COL22A1: variants seen among roughly 807,000 people sequenced by gnomAD.
COL22A1 encodes the protein collagen alpha-1(XXII) chain.
In COL22A1, 221 loss-of-function variants were observed where a neutral mutation model predicts 248.9. The ratio of observed to expected loss-of-function variants is 0.89; its 90% CI spans 0.80 to 0.99. The LOEUF is 0.99. COL22A1 is among the 50% of genes least tolerant of loss of function. The pLI is 0.00. For synonymous variants in COL22A1, 891 were observed against 793.4 expected, an observed-to-expected ratio of 1.12 and a Z score of -2.07; for missense variants, 2,240 against 2,179.0, an observed-to-expected ratio of 1.03 and a Z score of -0.56.
intron 30 of COL22A1, among the ~76,000 whole-genome samples, chr8:138,706,235 G>T (rs1563642627): frequency 2.0e-5 from 3 of 152,136 alleles, no homozygotes. Context: ...CAACAAGACA[G>T]AAAGTTAACA....
At chr8:138,684,030 G>A (rs1252492581) in intron 39 of COL22A1, among the ~76,000 whole-genome samples, 1 of 152,120 alleles carries the variant, frequency 6.6e-6, no homozygotes, top group Admixed American at 6.6e-5. Flanking sequence ...GGGAGGCCGA[G>A]GCAGGTATTA....
intron 60 of COL22A1, among the ~76,000 whole-genome samples, chr8:138,600,357 A>C (rs888546290): frequency 3.3e-5 from 5 of 152,204 alleles, no homozygotes; most frequent in African/African-American, 1.2e-4. Flanking sequence ...CATGGCTGAG[A>C]ACGTGACCCA....
At chr8:138,756,472 G>A (rs1007435099) in intron 18 of COL22A1, among the ~76,000 whole-genome samples, 25 of 152,076 alleles carry the variant, frequency 1.6e-4, no homozygotes, top group African/African-American at 6.0e-4. Flanking sequence ...TATCAATTTT[G>A]ATCACAGAAA....
At chr8:138,882,941 C>T in intron 2 of COL22A1, 141 bp downstream of exon 2, 1 of 767,616 alleles carries the variant, frequency 1.3e-6, no homozygotes, top group Non-Finnish European at 2.0e-6. Flanking sequence ...AGCTGACTCA[C>T]ACTTGGATTC....
chr8:138,749,881 G>A (rs891926193), intron 22 of COL22A1, among the ~76,000 whole-genome samples: 1 of 152,116 alleles, frequency 6.6e-6, no homozygotes, highest in African/African-American at 2.4e-5. Flanking sequence ...AAGTGGGGGC[G>A]AGTGAATCTC....
At chr8:138,878,471 G>T (rs1025868365) in intron 2 of COL22A1, among the ~76,000 whole-genome samples, 155 bp from the exon 3 acceptor site, 2 of 152,146 alleles carry the variant, frequency 1.3e-5, no homozygotes, top group Non-Finnish European at 1.5e-5. Flanking sequence ...TGAAAGGCCT[G>T]AGCCTCAGTT....
At chr8:138,807,858 TC>T in intron 9 of COL22A1, 46 bp from the exon 10 acceptor site, 2 of 1,593,780 alleles carry the variant, frequency 1.3e-6, no homozygotes, top group Non-Finnish European at 1.7e-6. Context: ...ATTTTAATTT[TC>T]CCTTTCTCTC....
In COL22A1 at chr8:138,876,499, G is replaced by A. The variant is rs563458100; in HGVS notation, c.658+1251C>T. The stretch of plus-strand genomic sequence containing the variant: ...CTGTAGCCCCAGAAATCAGCACAAG[G>A]CCATACAAAAAAGTAGAGCCCTGAT... On this transcript the variant is annotated intron_variant, in intron 3 of 64. Coordinates refer to ENST00000303045, the MANE Select transcript of COL22A1 (RefSeq NM_152888.3). Among the ~76,000 whole-genome samples, 17 of 152,274 alleles carry A rather than the reference G, an allele frequency of 1.1e-4. No individual in the cohort carries two copies. The South Asian group carries it at 3.5e-3, about 32-fold the overall frequency.
intron 10 of COL22A1, among the ~76,000 whole-genome samples, chr8:138,806,105 T>TG (rs1491121965): frequency 1.3e-4 from 1 of 7,914 alleles, no homozygotes; most frequent in African/African-American, 5.2e-4. Context: ...TGATGGTGTG[T>TG]TTGTGTGTGA....
chr8:138,707,170 AG>A (rs1403230479), intron 30 of COL22A1, among the ~76,000 whole-genome samples: 12 of 152,344 alleles, frequency 7.9e-5, no homozygotes, highest in African/African-American at 2.6e-4. Context: ...AAAACAGTCC[AG>A]GACCAGATGC....
At chr8:138,638,813 A>C (rs765347226) in intron 47 of COL22A1, among the ~76,000 whole-genome samples, 1 of 152,240 alleles carries the variant, frequency 6.6e-6, no homozygotes, top group Non-Finnish European at 1.5e-5. Context: ...TTGCCTTAAA[A>C]GTAAATGGCT....
chr8:138,727,330 G>A (rs1830391947), intron 23 of COL22A1, among the ~76,000 whole-genome samples: 1 of 152,002 alleles, frequency 6.6e-6, no homozygotes, highest in African/African-American at 2.4e-5. Flanking sequence ...TTCCCCAGTG[G>A]AATTAAACTC....
rs528173326 is a variant in COL22A1, at chr8:138,809,088, G to A, written c.1450-1276C>T. Reference sequence around the variant, plus strand: ...TGTATTTTTTTTTTTTTATTGAAACGAAGATGAAAGAGACAGAAATGATAC... The same window carrying A: ...TGTATTTTTTTTTTTTTATTGAAACAAAGATGAAAGAGACAGAAATGATAC... On this transcript the variant is annotated intron_variant, in intron 9 of 64. Transcript: ENST00000303045. 2.6e-5 allele frequency among the ~76,000 whole-genome samples: 4 copies of A among 151,448 alleles called. No individual in the cohort carries two copies. The South Asian group carries it at 6.2e-4, about 24-fold the overall frequency.
chr8:138,599,301 C>T (rs986879670), intron 60 of COL22A1, among the ~76,000 whole-genome samples: 5 of 151,908 alleles, frequency 3.3e-5, no homozygotes, highest in African/African-American at 1.2e-4. Context: ...CCTGTGAAAC[C>T]CCGTCTCTAC....
chr8:138,616,175 T>A, intron 54 of COL22A1, 121 bp from the exon 55 acceptor site: 2 of 806,490 alleles, frequency 2.5e-6, no homozygotes. Context: ...TCAACTTCCA[T>A]ACGCAGAGCC....
At chr8:138,898,996 C>T (rs969228043) in intron 1 of COL22A1, among the ~76,000 whole-genome samples, 1 of 152,208 alleles carries the variant, frequency 6.6e-6, no homozygotes, top group Non-Finnish European at 1.5e-5. Context: ...CTTTCTTCAC[C>T]CGGCTCTAGG....
At chr8:138,744,857 A>C (rs540669971) in intron 22 of COL22A1, among the ~76,000 whole-genome samples, 2 of 152,276 alleles carry the variant, frequency 1.3e-5, no homozygotes, top group South Asian at 4.2e-4. Context: ...ACAGTCAAGA[A>C]CCCCATGAGA....
chr8:138,814,080 C>T (rs1818475764), intron 7 of COL22A1, among the ~76,000 whole-genome samples: 2 of 152,212 alleles, frequency 1.3e-5, no homozygotes, highest in South Asian at 2.1e-4. Flanking sequence ...CAGACAAAGC[C>T]CAGGCCCTTT....
intron 4 of COL22A1, among the ~76,000 whole-genome samples, chr8:138,838,167 A>G (rs1431999401): frequency 6.6e-6 from 1 of 152,078 alleles, no homozygotes; most frequent in Non-Finnish European, 1.5e-5. Context: ...GCAATTTCTC[A>G]GCCCCTTAAG....
Sources: allele counts gnomAD v4.1 joint callset (sites outside exome capture counted in the v4.1 genomes callset), GRCh38; gene constraint gnomAD v4.1.1; transcripts MANE v1.5; gene names NCBI Gene and HGNC (gene_info 2026-07-23, HGNC 2026-07-21).